Variants in RNGTT observed in about 807,000 individuals in gnomAD.
RNGTT encodes the protein mRNA-capping enzyme.
A neutral mutation model predicts 79.3 loss-of-function variants in RNGTT; 33 were observed. The observed-to-expected ratio is 0.42, with a 90% CI of 0.32 to 0.56. RNGTT has a LOEUF of 0.56. Among genes scored for constraint, RNGTT ranks in the 20% least tolerant of loss-of-function variants. The probability of loss-of-function intolerance (pLI) is 0.17; values close to 1 mark genes in which losing one functional copy is unlikely to be tolerated. For synonymous variants in RNGTT, 222 were observed against 235.9 expected, an observed-to-expected ratio of 0.94 and a Z score of 0.54; for missense variants, 497 against 739.1, an observed-to-expected ratio of 0.67 and a Z score of 3.80.
In RNGTT at chr6:88,639,664, A is replaced by G. The variant is rs1488690487; in HGVS notation, c.1507-25269T>C. Among the ~76,000 whole-genome samples the G allele has an allele frequency of 3.3e-5, 5 of 152,194 alleles. No individual in the cohort carries two copies. The East Asian group carries it at 9.7e-4, about 29-fold the overall frequency. On this transcript the variant is annotated intron_variant, in intron 14 of 15. Transcript: ENST00000369485. ...GGAAGGATAGATTTTTATGATTTTC[A>G]TTTCTGAATCCCACCACAATACTGA...
chr6:88,952,822 G>A (rs1295261693), intron 1 of RNGTT, among the ~76,000 whole-genome samples: 1 of 152,122 alleles, frequency 6.6e-6, no homozygotes, highest in African/African-American at 2.4e-5. Context: ...CCAGCCTTAG[G>A]GCCTGGTAAC....
chr6:88,646,958 A>C (rs1199581593), intron 14 of RNGTT, among the ~76,000 whole-genome samples: 2 of 152,222 alleles, frequency 1.3e-5, no homozygotes, highest in Non-Finnish European at 2.9e-5. Context: ...CCAACATGGC[A>C]CATGTATACA....
intron 8 of RNGTT, among the ~76,000 whole-genome samples, chr6:88,859,804 C>T (rs1781952645): frequency 6.6e-6 from 1 of 152,108 alleles, no homozygotes; most frequent in African/African-American, 2.4e-5. Flanking sequence ...AAGAGTAGTC[C>T]CTTCTCTCAC....
intron 4 of RNGTT, among the ~76,000 whole-genome samples, chr6:88,913,850 C>G (rs1381892670): frequency 6.6e-6 from 1 of 152,112 alleles, no homozygotes; most frequent in African/African-American, 2.4e-5. Context: ...ACTAGAAGTG[C>G]TAGCAAGAGC....
At chr6:88,614,493 C>T in intron 14 of RNGTT, 98 bp from the exon 15 acceptor site, 1 of 1,137,752 alleles carries the variant, frequency 8.8e-7, no homozygotes, top group Non-Finnish European at 1.3e-6. Flanking sequence ...AAAAATACCT[C>T]AGTAACTCTT....
chr6:88,871,420 T>C (rs1396110990), intron 8 of RNGTT, among the ~76,000 whole-genome samples: 3 of 152,198 alleles, frequency 2.0e-5, no homozygotes, highest in South Asian at 4.1e-4. Context: ...CACAAAATTA[T>C]TTGACACTCT....
intron 13 of RNGTT, among the ~76,000 whole-genome samples, chr6:88,720,900 C>T (rs1168424565): frequency 6.6e-6 from 1 of 152,054 alleles, no homozygotes; most frequent in Admixed American, 6.6e-5. Context: ...AGGAAATCAT[C>T]ACACAAATAA....
intron 8 of RNGTT, among the ~76,000 whole-genome samples, chr6:88,874,642 A>T (rs962117805): frequency 2.0e-5 from 3 of 152,070 alleles, no homozygotes; most frequent in Non-Finnish European, 4.4e-5. Flanking sequence ...GAGTTAAGAA[A>T]GTATCACAGA....
At chr6:88,824,715 G>A (rs1780598786) in intron 11 of RNGTT, among the ~76,000 whole-genome samples, 1 of 151,112 alleles carries the variant, frequency 6.6e-6, no homozygotes, top group Non-Finnish European at 1.5e-5. Context: ...CAACAAAAAG[G>A]ACCCTGCAAT....
At chr6:88,771,234 A>G (rs1778648616) in intron 12 of RNGTT, among the ~76,000 whole-genome samples, 1 of 147,168 alleles carries the variant, frequency 6.8e-6, no homozygotes. Context: ...TTCAGCTGTT[A>G]TTTTTAGGTA....
intron 1 of RNGTT, among the ~76,000 whole-genome samples, chr6:88,960,693 C>A (rs1269076867): frequency 6.6e-6 from 1 of 152,186 alleles, no homozygotes; most frequent in Non-Finnish European, 1.5e-5. Flanking sequence ...AAAAACAGTT[C>A]TTCAGAAAAT....
At chr6:88,897,144 T>C (rs919175788) in intron 6 of RNGTT, among the ~76,000 whole-genome samples, 3 of 152,268 alleles carry the variant, frequency 2.0e-5, no homozygotes, top group Middle Eastern at 6.8e-3. Flanking sequence ...AGCACCCTCA[T>C]CCTGACCTTA....
At chr6:88,739,243 G>A (rs763600144) in intron 13 of RNGTT, among the ~76,000 whole-genome samples, 9 of 152,020 alleles carry the variant, frequency 5.9e-5, no homozygotes, top group Non-Finnish European at 1.2e-4. Context: ...CAAATTTATG[G>A]AACCAAGAAC....
intron 13 of RNGTT, among the ~76,000 whole-genome samples, chr6:88,731,898 T>C (rs1777129077): frequency 6.6e-6 from 1 of 152,194 alleles, no homozygotes; most frequent in Non-Finnish European, 1.5e-5. Flanking sequence ...TATTATATAC[T>C]ATATTCTTAA....
chr6:88,943,238 C>A (rs1039921858), intron 1 of RNGTT, among the ~76,000 whole-genome samples: 1 of 152,168 alleles, frequency 6.6e-6, no homozygotes, highest in Non-Finnish European at 1.5e-5. Flanking sequence ...ATCCAAATCT[C>A]AACTCTTAAT....
intron 12 of RNGTT, among the ~76,000 whole-genome samples, chr6:88,771,311 GTGTGTATATATA>G (rs1778657882): frequency 2.1e-5 from 1 of 48,666 alleles, no homozygotes; most frequent in African/African-American, 9.0e-5. Flanking sequence ...GTATGTGTGT[GTGTGTATATATA>G]TATATATATA....
At chr6:88,893,109 T>G (rs1783107232) in intron 6 of RNGTT, among the ~76,000 whole-genome samples, 1 of 152,052 alleles carries the variant, frequency 6.6e-6, no homozygotes, top group Non-Finnish European at 1.5e-5. Flanking sequence ...TATCATTAAG[T>G]ACAACAGCTA....
At chr6:88,655,340 T>C (rs541282892) in intron 14 of RNGTT, among the ~76,000 whole-genome samples, 4 of 152,310 alleles carry the variant, frequency 2.6e-5, no homozygotes, top group African/African-American at 9.6e-5. Context: ...TTAAAAAAAA[T>C]AGAAATGATG....
rs148283279 is a variant in RNGTT at position 88,878,834 on chromosome 6, G to C, written c.896+11661C>G. ...CACAATACCTAATTGATCATAATTT[G>C]ACTCATTCTGTTCCTAAATAAGATA... is the stretch of plus-strand genomic sequence containing the variant. On this transcript the variant is annotated intron_variant, in intron 8 of 15. Coordinates refer to ENST00000369485, the MANE Select transcript of RNGTT (RefSeq NM_003800.5). Among the ~76,000 whole-genome samples, 340 of 152,232 alleles carry C rather than the reference G, an allele frequency of 2.2e-3. 3 individuals are homozygous for C. The highest frequency in any genetic ancestry group is 8.0e-3 in the African/African-American group (333 of 41,530).
Sources: gnomAD v4.1 joint callset for allele counts (sites outside exome capture counted in the v4.1 genomes callset) on GRCh38, gnomAD v4.1.1 for gene constraint, MANE v1.5 for transcripts, NCBI Gene and HGNC (gene_info 2026-07-23, HGNC 2026-07-21) for gene names.